Variants in LRRIQ1 observed in about 807,000 individuals in gnomAD.
LRRIQ1 encodes the protein leucine rich repeats and IQ motif containing 1, also known as leucine-rich repeat- and IQ domain-containing protein 1.
LRRIQ1 carries 210 observed loss-of-function variants against 211.9 expected under a neutral mutation model. That is an observed-to-expected ratio of 0.99 (90% CI 0.89 to 1.11). LRRIQ1 has a LOEUF of 1.11. LRRIQ1 is among the 50% of genes most tolerant of loss of function. LRRIQ1 has a pLI of 0.00. For missense variants in LRRIQ1, 2,136 were observed against 1,939.5 expected, an observed-to-expected ratio of 1.10 and a Z score of -1.90; for synonymous variants, 699 against 650.1, an observed-to-expected ratio of 1.08 and a Z score of -1.14.
At chr12:85,121,424 G>A (rs1473389384) in intron 15 of LRRIQ1, among the ~76,000 whole-genome samples, 1 of 152,068 alleles carries the variant, frequency 6.6e-6, no homozygotes, top group Non-Finnish European at 1.5e-5. Flanking sequence ...TCCAGCCTGA[G>A]TTTCCAAGTT....
chr12:85,226,511 A>C (rs1894660698), intron 24 of LRRIQ1, among the ~76,000 whole-genome samples: 1 of 150,784 alleles, frequency 6.6e-6, no homozygotes, highest in African/African-American at 2.4e-5. Context: ...ACTTTTGTAT[A>C]ATTATTTTTT....
At chr12:85,223,194 A>G (rs1894483015) in intron 24 of LRRIQ1, among the ~76,000 whole-genome samples, 1 of 152,290 alleles carries the variant, frequency 6.6e-6, no homozygotes, top group East Asian at 1.9e-4. Context: ...CTCAGCTGTT[A>G]GTTCATGAGA....
chr12:85,211,690 C>A (rs1893845148), intron 24 of LRRIQ1, among the ~76,000 whole-genome samples: 1 of 152,044 alleles, frequency 6.6e-6, no homozygotes, highest in African/African-American at 2.4e-5. Context: ...ATGTATTATT[C>A]CTATTTCACA....
intron 11 of LRRIQ1, among the ~76,000 whole-genome samples, chr12:85,092,571 A>G (rs1434308662): frequency 6.6e-6 from 1 of 152,210 alleles, no homozygotes; most frequent in Non-Finnish European, 1.5e-5. Context: ...GAAAATATCA[A>G]GATTTCCACT....
intron 24 of LRRIQ1, among the ~76,000 whole-genome samples, chr12:85,214,252 A>G (rs1893972345): frequency 6.6e-6 from 1 of 152,086 alleles, no homozygotes; most frequent in South Asian, 2.1e-4. Context: ...ATATTTATAA[A>G]TTGGAAGACT....
intron 1 of LRRIQ1, among the ~76,000 whole-genome samples, chr12:85,253,024 T>TA (rs1180890633): frequency 2.0e-5 from 3 of 151,748 alleles, no homozygotes; most frequent in South Asian, 2.1e-4. Flanking sequence ...TTTTCAAAAA[T>TA]AAAAAAAAGT....
chr12:85,073,162 G>A (rs1055783080), intron 11 of LRRIQ1, 64 bp downstream of exon 11: 37 of 1,211,178 alleles, frequency 3.1e-5, no homozygotes, highest in Non-Finnish European at 4.1e-5. Flanking sequence ...TATGGGGAGG[G>A]TTGGATCTAG....
chr12:85,101,792 A>G (rs1165315188), intron 13 of LRRIQ1, among the ~76,000 whole-genome samples: 4 of 151,780 alleles, frequency 2.6e-5, no homozygotes, highest in Admixed American at 2.0e-4. Flanking sequence ...CAATATTACA[A>G]AAAGATTTTT....
At chr12:85,263,038 A>G (rs1896341666) in exon 2 of LRRIQ1, 1 of 987,844 alleles carries the variant, frequency 1.0e-6, no homozygotes, top group Non-Finnish European at 1.2e-6. Context: ...AGTGGCAAAA[A>G]GAAGGCGAAC....
chr12:85,082,491 A>AT (rs34191363), intron 11 of LRRIQ1, among the ~76,000 whole-genome samples: 85,803 of 151,612 alleles, frequency 0.57, 25,455 homozygotes, highest in African/African-American at 0.75. Context: ...TTTCCTTTTC[A>AT]TTTGTTTTCT....
chr12:85,081,723 CTTTTTTTT>C (rs766961193), intron 11 of LRRIQ1, among the ~76,000 whole-genome samples: 2 of 113,440 alleles, frequency 1.8e-5, no homozygotes, highest in East Asian at 2.5e-4. Flanking sequence ...TCTTCTTCTT[CTTTTTTTT>C]TTTTTTTTTT....
intron 24 of LRRIQ1, among the ~76,000 whole-genome samples, chr12:85,194,638 A>G (rs1323055109): frequency 6.6e-6 from 1 of 152,128 alleles, no homozygotes; most frequent in African/African-American, 2.4e-5. Context: ...GAACAAAGAC[A>G]CAACATACCA....
At chr12:85,047,790 G>T (rs1439281149) in intron 6 of LRRIQ1, 2 of 209,542 alleles carry the variant, frequency 9.5e-6, no homozygotes, top group African/African-American at 2.4e-5. Flanking sequence ...ATTGGAAAAA[G>T]CAATGAAAAA....
chr12:85,189,766 T>C (rs1333211754), intron 24 of LRRIQ1, among the ~76,000 whole-genome samples: 1 of 147,266 alleles, frequency 6.8e-6, no homozygotes, highest in African/African-American at 2.5e-5. Flanking sequence ...TAAAAATATA[T>C]ATAATATCTA....
At chr12:85,268,433 T>G (rs1413507517), downstream of LRRIQ1, among the ~76,000 whole-genome samples, 1 of 151,944 alleles carries the variant, frequency 6.6e-6, no homozygotes, top group African/African-American at 2.4e-5. Context: ...CCAGAAAATG[T>G]TTCCACCACC....
intron 11 of LRRIQ1, among the ~76,000 whole-genome samples, chr12:85,096,051 A>AT (rs1885849056): frequency 6.6e-6 from 1 of 151,698 alleles, no homozygotes; most frequent in Non-Finnish European, 1.5e-5. Context: ...ATCTTCTCTC[A>AT]TTTTTTCTTG....
chr12:85,161,252 T>TA (rs1193104753), intron 24 of LRRIQ1, among the ~76,000 whole-genome samples: 1 of 152,138 alleles, frequency 6.6e-6, no homozygotes, highest in Non-Finnish European at 1.5e-5. Flanking sequence ...AACATGAACT[T>TA]AAATTATTAA....
At chr12:85,242,846 C>G (rs1387773579) in intron 26 of LRRIQ1, among the ~76,000 whole-genome samples, 1 of 151,674 alleles carries the variant, frequency 6.6e-6, no homozygotes. Flanking sequence ...TGTAATTGAC[C>G]AAATTAGTAA....
chr12:85,091,773 C>CAAA (rs1885420394), intron 11 of LRRIQ1, among the ~76,000 whole-genome samples: 1 of 152,118 alleles, frequency 6.6e-6, no homozygotes, highest in Non-Finnish European at 1.5e-5. Flanking sequence ...ACATTGCTTG[C>CAAA]TTCTTAAAAA....
Sources: allele counts gnomAD v4.1 joint callset (sites outside exome capture counted in the v4.1 genomes callset), GRCh38; gene constraint gnomAD v4.1.1; transcripts MANE v1.5; gene names NCBI Gene and HGNC (gene_info 2026-07-23, HGNC 2026-07-21).